Variants in KLHL6 observed in about 807,000 individuals in gnomAD.
KLHL6 encodes the protein kelch like family member 6.
A neutral mutation model predicts 58.6 loss-of-function variants in KLHL6; 41 were observed. The observed-to-expected ratio is 0.70, with a 90% CI of 0.55 to 0.91. The LOEUF (loss-of-function observed/expected upper bound fraction) is 0.91. Ranked by LOEUF, KLHL6 falls within the 40% of genes least tolerant of loss-of-function variation. KLHL6 has a pLI of 0.00. For missense variants in KLHL6, 714 were observed against 805.6 expected (o/e 0.89, Z 1.38); for synonymous variants, 338 against 322.7 (o/e 1.05, Z -0.51).
chr3:183,498,717 C>T (rs1049274995), intron 4 of KLHL6, among the ~76,000 whole-genome samples: 7 of 152,202 alleles, frequency 4.6e-5, no homozygotes, highest in African/African-American at 1.4e-4. Flanking sequence ...ACATTTACCC[C>T]GAGGTCAGGC....
chr3:183,526,116 T>C (rs1466446751), intron 2 of KLHL6, among the ~76,000 whole-genome samples: 1 of 152,188 alleles, frequency 6.6e-6, no homozygotes, highest in African/African-American at 2.4e-5. Context: ...GAGACCAGCC[T>C]GGCCAACATG....
intron 1 of KLHL6, among the ~76,000 whole-genome samples, chr3:183,554,905 C>A (rs544796534): frequency 9.2e-5 from 14 of 152,304 alleles, no homozygotes; most frequent in Admixed American, 2.6e-4. Flanking sequence ...CGTCTCACAC[C>A]TGTAATGCCA....
chr3:183,519,997 G>A (rs8180042), intron 2 of KLHL6, among the ~76,000 whole-genome samples: 77,456 of 151,162 alleles, frequency 0.51, 20,457 homozygotes, highest in Non-Finnish European at 0.58. Context: ...CAGACCCTCT[G>A]TACTAGTTAG....
Position 183,492,642 on chromosome 3 carries a change from C to A in KLHL6, c.1416G>T (p.Val472=). The change falls in exon 6 of 7, where the codon GTG becomes GTT. Residue 472 remains valine, a synonymous_variant. Coordinates refer to ENST00000341319, the MANE Select transcript of KLHL6 (RefSeq NM_130446.4). The surrounding 1 kb of genome is among the most constrained non-coding windows in gnomAD (Gnocchi z 5.9). The part of the protein sequence containing the change: ...AATSHKKKLY[V]IGGGPNGKLA... ...GTTTCCCATTGGGCCCTCCCCCGAT[C>A]ACATACAGCTTCTTCTTATGGCTGG... is the stretch of plus-strand genomic sequence containing the variant. 1 of 1,614,164 alleles carries A rather than the reference C, an allele frequency of 6.2e-7. No homozygotes were observed. Among genetic ancestry groups the A allele is most frequent in the South Asian group, 1.1e-5 (1 of 91,068 alleles).
At chr3:183,531,529 A>G (rs768741724) in intron 1 of KLHL6, among the ~76,000 whole-genome samples, 15 of 141,338 alleles carry the variant, frequency 1.1e-4, no homozygotes, top group Non-Finnish European at 4.5e-5. Flanking sequence ...GGCTCACTGC[A>G]AACTCCACCT....
intron 1 of KLHL6, among the ~76,000 whole-genome samples, chr3:183,531,639 G>A (rs1172974459): frequency 6.6e-6 from 1 of 151,700 alleles, no homozygotes; most frequent in African/African-American, 2.4e-5. Context: ...GTAGAGACGG[G>A]GTTTCACCAT....
At chr3:183,528,940 A>G (rs1712068277) in intron 1 of KLHL6, among the ~76,000 whole-genome samples, 1 of 152,236 alleles carries the variant, frequency 6.6e-6, no homozygotes, top group African/African-American at 2.4e-5. Context: ...AATGTGGTAC[A>G]TAAACACCAT....
intron 2 of KLHL6, among the ~76,000 whole-genome samples, chr3:183,511,748 T>C (rs1718191823): frequency 6.6e-6 from 1 of 152,180 alleles, no homozygotes; most frequent in Admixed American, 6.5e-5. Context: ...CCCTTAAACC[T>C]TGATTCCATA....
At chr3:183,528,083 A>G in intron 1 of KLHL6, 73 bp from the exon 2 acceptor site, 5 of 1,541,640 alleles carry the variant, frequency 3.2e-6, no homozygotes, top group Non-Finnish European at 3.6e-6. Flanking sequence ...CCCCTTTCAG[A>G]CTCATCAGGC....
chr3:183,492,069 G>T lies in KLHL6; in HGVS notation c.1724C>A (p.Thr575Lys). The T allele has an allele frequency of 1.2e-6, 2 of 1,613,992 alleles. No individual in the cohort carries two copies. Among genetic ancestry groups the T allele is most frequent in the Non-Finnish European group, 1.7e-6 (2 of 1,180,008 alleles). ...GGCCTCGGGGTCCCAGCACAGCACCGTGGCGATAACCTCGTTCTTCTCGTC... is the reference window on the plus strand; with the variant it reads ...GGCCTCGGGGTCCCAGCACAGCACCTTGGCGATAACCTCGTTCTTCTCGTC... ...GRDEKNEVIA[T>K]VLCWDPEAQK... Residue 575 changes from threonine (T) to lysine (K), a missense_variant, in exon 7 of 7, where the codon ACG becomes AAG. Transcript: ENST00000341319. The surrounding 1 kb of genome is among the most constrained non-coding windows in gnomAD (Gnocchi z 5.9).
At chr3:183,526,530 T>A (rs2108684618) in intron 2 of KLHL6, among the ~76,000 whole-genome samples, 1 of 152,250 alleles carries the variant, frequency 6.6e-6, no homozygotes, top group East Asian at 1.9e-4. Flanking sequence ...AATTGACACT[T>A]ATAAGGAAAC....
intron 3 of KLHL6, among the ~76,000 whole-genome samples, chr3:183,504,117 C>A (rs1193276063): frequency 6.6e-6 from 1 of 152,144 alleles, no homozygotes; most frequent in Non-Finnish European, 1.5e-5. Flanking sequence ...CTGGTTTTAA[C>A]CCCAGAGAAG....
intron 1 of KLHL6, among the ~76,000 whole-genome samples, chr3:183,540,367 TG>T (rs1712513468): frequency 6.6e-6 from 1 of 152,208 alleles, no homozygotes; most frequent in African/African-American, 2.4e-5. Context: ...AACATTACTT[TG>T]GGCACAAGGA....
chr3:183,555,196 A>G (rs577502877), intron 1 of KLHL6, among the ~76,000 whole-genome samples, 165 bp downstream of exon 1: 5 of 152,170 alleles, frequency 3.3e-5, no homozygotes, highest in African/African-American at 1.2e-4. Context: ...ATAATAAAAT[A>G]AAGTGTGATA....
At position 183,533,295 on chromosome 3, in the gene KLHL6, T is replaced by G. The variant is rs1394189882; in HGVS notation, c.294-5285A>C. ...TTTCCTTCCTTCCTTCCTTCCCTCT[T>G]TCTTTCTTCTTTCTTTCTCTCTTTT... On this transcript the variant is annotated intron_variant, in intron 1 of 6. Coordinates refer to ENST00000341319, the MANE Select transcript of KLHL6 (RefSeq NM_130446.4). Among the ~76,000 whole-genome samples the G allele has an allele frequency of 6.6e-5, 10 of 151,544 alleles. No individual in the cohort carries two copies. In the East Asian group the frequency reaches 1.9e-3, roughly 29 times the overall value.
chr3:183,518,097 C>T (rs1301434900), intron 2 of KLHL6, among the ~76,000 whole-genome samples: 1 of 152,112 alleles, frequency 6.6e-6, no homozygotes, highest in Non-Finnish European at 1.5e-5. Context: ...TCCTTTCTGC[C>T]CTGGGCTCTA....
At chr3:183,543,301 G>A (rs376236305) in intron 1 of KLHL6, among the ~76,000 whole-genome samples, 5 of 125,742 alleles carry the variant, frequency 4.0e-5, no homozygotes, top group Admixed American at 8.3e-5. Flanking sequence ...AAAAAAAAAA[G>A]AGAGAGAGAG....
intron 1 of KLHL6, among the ~76,000 whole-genome samples, chr3:183,548,576 A>G (rs544364449): frequency 2.0e-5 from 3 of 152,340 alleles, no homozygotes; most frequent in East Asian, 1.9e-4. Context: ...AATCAGGCAT[A>G]AGGCCAGGAA....
rs545597263 is a variant in KLHL6 at position 183,491,750 on chromosome 3, C to A, written c.*177G>T. 2.1e-6 allele frequency: 1 copy of A among 483,252 alleles called. No homozygotes were observed. The highest frequency in any genetic ancestry group is 3.4e-5 in the East Asian group (1 of 29,348). The allele number at this position is 483,252 out of a possible 1,614,324, so 29.9% of individuals were successfully genotyped here. A position where few individuals can be genotyped will look rare whatever the true frequency, so the allele number is the denominator to read the frequency against. On this transcript the variant is annotated 3_prime_UTR_variant, in exon 7 of 7. Transcript: ENST00000341319. ...AGGTAGGTCATGCAAACATTCCTGG[C>A]CGGTCTCAAGTGACCCCAAACTGTG...
Sources: allele counts gnomAD v4.1 joint callset (sites outside exome capture counted in the v4.1 genomes callset), GRCh38; gene constraint gnomAD v4.1.1; non-coding constraint Gnocchi (gnomAD v3.1); transcripts MANE v1.5; gene names NCBI Gene and HGNC (gene_info 2026-07-23, HGNC 2026-07-21).